CTNNA3: variants seen among roughly 807,000 people sequenced by gnomAD.
CTNNA3 encodes catenin alpha 3, also known as catenin alpha-3.
A neutral mutation model predicts 95.7 loss-of-function variants in CTNNA3; 76 were observed. The ratio of observed to expected loss-of-function variants is 0.79; its 90% CI spans 0.66 to 0.96. The LOEUF is 0.96. Among genes scored for constraint, CTNNA3 ranks in the 40% least tolerant of loss-of-function variants. The pLI is 0.00. For synonymous variants in CTNNA3, 431 were observed against 374.4 expected (o/e 1.15, Z -1.74); for missense variants, 1,191 against 1,089.8 (o/e 1.09, Z -1.31).
intron 7 of CTNNA3, among the ~76,000 whole-genome samples, chr10:67,029,793 A>C (rs932758482): frequency 1.3e-5 from 2 of 152,316 alleles, no homozygotes; most frequent in South Asian, 4.1e-4. Context: ...GTAGCCACTA[A>C]CCTCATGTAC....
intron 7 of CTNNA3, among the ~76,000 whole-genome samples, chr10:67,091,864 T>C (rs1857665417): frequency 6.6e-6 from 1 of 152,034 alleles, no homozygotes; most frequent in Non-Finnish European, 1.5e-5. Context: ...AGGAACCAGT[T>C]TGTATTCAGA....
intron 13 of CTNNA3, among the ~76,000 whole-genome samples, chr10:66,234,504 A>T (rs908991219): frequency 1.3e-5 from 2 of 152,200 alleles, no homozygotes; most frequent in African/African-American, 4.8e-5. Flanking sequence ...TACGGTTGTT[A>T]TGCACCCCAC....
chr10:66,134,833 C>G (rs1051887277), intron 13 of CTNNA3, among the ~76,000 whole-genome samples: 1 of 104,758 alleles, frequency 9.5e-6, no homozygotes, highest in Admixed American at 1.1e-4. Context: ...AGAATTGATC[C>G]TAATAGTTAT....
intron 5 of CTNNA3, among the ~76,000 whole-genome samples, chr10:67,415,558 A>G (rs1845512106): frequency 6.6e-6 from 1 of 152,246 alleles, no homozygotes; most frequent in Non-Finnish European, 1.5e-5. Flanking sequence ...AATATTGTTA[A>G]AATGACCATA....
At chr10:66,266,295 G>A (rs751498147) in intron 13 of CTNNA3, among the ~76,000 whole-genome samples, 12 of 151,878 alleles carry the variant, frequency 7.9e-5, no homozygotes, top group Admixed American at 2.0e-4. Context: ...ACTATAACAC[G>A]TAGCTGAGAC....
At chr10:66,738,559 A>G (rs1849223183) in intron 9 of CTNNA3, among the ~76,000 whole-genome samples, 1 of 152,204 alleles carries the variant, frequency 6.6e-6, no homozygotes, top group Non-Finnish European at 1.5e-5. Flanking sequence ...TCTGTTTGCA[A>G]TGTTAGGACA....
intron 10 of CTNNA3, among the ~76,000 whole-genome samples, chr10:66,584,547 C>A (rs1335186071): frequency 6.6e-6 from 1 of 151,784 alleles, no homozygotes; most frequent in Non-Finnish European, 1.5e-5. Context: ...TTTTTTCACC[C>A]CATTAGCTTG....
intron 7 of CTNNA3, among the ~76,000 whole-genome samples, chr10:66,907,240 GA>G (rs1846026355): frequency 6.6e-6 from 1 of 152,120 alleles, no homozygotes. Context: ...TAATTTGTGA[GA>G]TTTTTTTCAA....
At chr10:67,273,710 G>T (rs542726269) in intron 5 of CTNNA3, among the ~76,000 whole-genome samples, 71 of 152,160 alleles carry the variant, frequency 4.7e-4, no homozygotes, top group African/African-American at 1.4e-3. Context: ...AACAATTGTG[G>T]TATATTACTA....
At chr10:66,198,844 C>T (rs1163109395) in intron 13 of CTNNA3, among the ~76,000 whole-genome samples, 1 of 152,174 alleles carries the variant, frequency 6.6e-6, no homozygotes, top group Non-Finnish European at 1.5e-5. Context: ...GCATTGTCTT[C>T]ATCATTTTAG....
At chr10:66,918,819 TAGAG>T (rs553999408) in intron 7 of CTNNA3, among the ~76,000 whole-genome samples, 1 of 150,210 alleles carries the variant, frequency 6.7e-6, no homozygotes, top group South Asian at 2.1e-4. Flanking sequence ...GATAGATAAA[TAGAG>T]AGAGAGAGAG....
chr10:67,312,332 A>G (rs1021912319), intron 5 of CTNNA3, among the ~76,000 whole-genome samples: 2 of 152,080 alleles, frequency 1.3e-5, no homozygotes, highest in African/African-American at 4.8e-5. Context: ...TGGCCTCCCA[A>G]AGTGCTGAGA....
intron 13 of CTNNA3, among the ~76,000 whole-genome samples, chr10:66,113,284 T>C (rs538710078): frequency 7.9e-5 from 12 of 152,302 alleles, no homozygotes; most frequent in Non-Finnish European, 1.8e-4. Context: ...ATAGCATGCA[T>C]AGAAGTGTGT....
intron 15 of CTNNA3, among the ~76,000 whole-genome samples, chr10:65,996,913 G>A (rs1239582443): frequency 6.6e-6 from 1 of 152,138 alleles, no homozygotes; most frequent in African/African-American, 2.4e-5. Flanking sequence ...TGCTATTTTA[G>A]TTTTTCTTTG....
intron 5 of CTNNA3, among the ~76,000 whole-genome samples, chr10:67,509,592 T>G (rs1292961284): frequency 6.6e-6 from 1 of 152,226 alleles, no homozygotes; most frequent in African/African-American, 2.4e-5. Context: ...AGTCTATCAC[T>G]GATGAATATT....
intron 7 of CTNNA3, among the ~76,000 whole-genome samples, chr10:66,978,960 C>CT (rs34112681): frequency 0.045 from 3,746 of 83,672 alleles, 77 homozygotes; most frequent in African/African-American, 0.073. Flanking sequence ...TACTTATTTC[C>CT]TTTTTTTTTT....
At chr10:66,835,069 C>A (rs967376099) in intron 7 of CTNNA3, among the ~76,000 whole-genome samples, 1 of 152,126 alleles carries the variant, frequency 6.6e-6, no homozygotes, top group South Asian at 2.1e-4. Context: ...CCTGTAAAAA[C>A]TTAGTAAGAC....
chr10:67,451,165 C>T (rs188497004), intron 5 of CTNNA3, among the ~76,000 whole-genome samples: 1 of 152,124 alleles, frequency 6.6e-6, no homozygotes, highest in Non-Finnish European at 1.5e-5. Context: ...AGGGTACTCA[C>T]TTCCACCCTT....
chr10:66,268,780 T>A (rs1478003305), intron 13 of CTNNA3, among the ~76,000 whole-genome samples: 2 of 152,176 alleles, frequency 1.3e-5, no homozygotes, highest in African/African-American at 2.4e-5. Context: ...TAGAGGAAAG[T>A]ACATTGCATT....
Sources: allele counts gnomAD v4.1 joint callset (sites outside exome capture counted in the v4.1 genomes callset), GRCh38; gene constraint gnomAD v4.1.1; transcripts MANE v1.5; gene names NCBI Gene and HGNC (gene_info 2026-07-23, HGNC 2026-07-21).